CA8: variants seen among roughly 807,000 people sequenced by gnomAD.
CA8 encodes the protein carbonic anhydrase-related protein.
In CA8, 22 loss-of-function variants were observed where a neutral mutation model predicts 41.4. The observed-to-expected ratio is 0.53, with a 90% CI of 0.38 to 0.76. CA8 has a LOEUF of 0.76. Among genes scored for constraint, CA8 ranks in the 30% least tolerant of loss-of-function variants. CA8 has a pLI of 0.00. For synonymous variants in CA8, 121 were observed against 130.6 expected, an observed-to-expected ratio of 0.93 and a Z score of 0.50; for missense variants, 270 against 352.8, an observed-to-expected ratio of 0.77 and a Z score of 1.88.
intron 3 of CA8, among the ~76,000 whole-genome samples, chr8:60,233,779 A>T (rs957053829): frequency 6.6e-6 from 1 of 152,190 alleles, no homozygotes; most frequent in Non-Finnish European, 1.5e-5. Flanking sequence ...TACTTCTCAC[A>T]GCAATATTTT....
chr8:60,224,339 G>A (rs527764814), intron 6 of CA8, among the ~76,000 whole-genome samples, 198 bp downstream of exon 6: 1 of 152,340 alleles, frequency 6.6e-6, no homozygotes, highest in African/African-American at 2.4e-5. Context: ...AATGGAACTA[G>A]TGGCAAAGTG....
At position 60,272,970 on chromosome 8, in the gene CA8, C is replaced by T. The variant is rs185216504; in HGVS notation, c.292+6719G>A. Among the ~76,000 whole-genome samples the T allele has an allele frequency of 6.7e-4, 102 of 152,326 alleles. 1 individual carries two copies. The highest frequency in any genetic ancestry group is 3.2e-3 in the Admixed American group (49 of 15,298). ...TCTGCAGCTTGCCAGTTCCTGCAGT[C>T]CCCACCAGCCCCTACTGTCTTGTCT... On this transcript the variant is annotated intron_variant, in intron 2 of 8. Coordinates refer to ENST00000317995, the MANE Select transcript of CA8 (RefSeq NM_004056.6).
intron 8 of CA8, among the ~76,000 whole-genome samples, chr8:60,191,762 G>A (rs1338891475): frequency 1.3e-5 from 2 of 152,056 alleles, no homozygotes; most frequent in South Asian, 2.1e-4. Context: ...TAAATATTAA[G>A]CTACCATGGC....
intron 3 of CA8, among the ~76,000 whole-genome samples, chr8:60,251,961 T>C (rs985465932): frequency 6.6e-6 from 1 of 152,198 alleles, no homozygotes; most frequent in Non-Finnish European, 1.5e-5. Context: ...TATGTAGTGC[T>C]TACACAATAC....
At chr8:60,206,552 C>T (rs538753765) in intron 8 of CA8, among the ~76,000 whole-genome samples, 7 of 152,238 alleles carry the variant, frequency 4.6e-5, no homozygotes, top group South Asian at 2.1e-4. Flanking sequence ...CATAAATTCA[C>T]GCTTTGCAAC....
At chr8:60,219,939 A>AAAAAAAAAAAAC (rs1807181805) in intron 7 of CA8, among the ~76,000 whole-genome samples, 2 of 129,842 alleles carry the variant, frequency 1.5e-5, no homozygotes, top group Non-Finnish European at 3.5e-5. Flanking sequence ...TAAAAAAAAA[A>AAAAAAAAAAAAC]AAAAAAAAAA....
intron 3 of CA8, chr8:60,232,670 T>C (rs1807696388): frequency 2.3e-6 from 1 of 434,802 alleles, no homozygotes; most frequent in Non-Finnish European, 4.3e-6. Flanking sequence ...TTCAGTTATC[T>C]TTCCTTGGAT....
intron 6 of CA8, 98 bp downstream of exon 6, chr8:60,224,439 T>G (rs1319873543): frequency 1.3e-6 from 1 of 773,528 alleles, no homozygotes; most frequent in East Asian, 2.5e-5. Flanking sequence ...CAAATAAGTT[T>G]TATTAATTAA....
chr8:60,278,369 G>C (rs79710097), intron 2 of CA8, among the ~76,000 whole-genome samples: 2,957 of 152,244 alleles, frequency 0.019, 84 homozygotes, highest in African/African-American at 0.066. Flanking sequence ...AACCAATATT[G>C]ATCATGGCAC....
At chr8:60,192,746 A>G (rs577127887) in intron 8 of CA8, among the ~76,000 whole-genome samples, 4 of 152,280 alleles carry the variant, frequency 2.6e-5, no homozygotes, top group Non-Finnish European at 5.9e-5. Context: ...AATGTTTGTT[A>G]TGAAACTATC....
At chr8:60,209,363 A>C (rs932150990) in intron 7 of CA8, among the ~76,000 whole-genome samples, 1 of 152,144 alleles carries the variant, frequency 6.6e-6, no homozygotes, top group Admixed American at 6.5e-5. Flanking sequence ...GCACACCTGT[A>C]ATCCCAGCTA....
intron 3 of CA8, among the ~76,000 whole-genome samples, chr8:60,233,261 A>G (rs756874327): frequency 6.6e-6 from 1 of 152,216 alleles, no homozygotes; most frequent in Non-Finnish European, 1.5e-5. Flanking sequence ...AATTAGTTCT[A>G]ACACCAAAAG....
At position 60,208,668 on chromosome 8, in the gene CA8, C is replaced by A. The variant is rs939164436; in HGVS notation, c.*35+82G>T. On this transcript the variant is annotated intron_variant, in intron 8 of 8. Coordinates refer to ENST00000317995, the MANE Select transcript of CA8 (RefSeq NM_004056.6). Reference sequence around the variant, plus strand: ...TACATACGCTTTTATTACTAAATTACCAGGATCACAATAAGTGTACCTTTG... The same window carrying A: ...TACATACGCTTTTATTACTAAATTAACAGGATCACAATAAGTGTACCTTTG... The A allele has an allele frequency of 2.5e-6, 3 of 1,199,686 alleles. No individual in the cohort carries two copies. The African/African-American group carries it at 4.5e-5, about 18-fold the overall frequency. 74.3% of individuals were successfully genotyped at this position (1,199,686 alleles called of 1,614,324 possible).
chr8:60,190,251 G>C (rs1472702033), intron 8 of CA8, among the ~76,000 whole-genome samples: 1 of 151,112 alleles, frequency 6.6e-6, no homozygotes, highest in Non-Finnish European at 1.5e-5. Context: ...AATAATGCTT[G>C]AACTATTTTA....
chr8:60,221,451 C>T (rs1418166325), intron 7 of CA8, among the ~76,000 whole-genome samples: 1 of 152,124 alleles, frequency 6.6e-6, no homozygotes, highest in African/African-American at 2.4e-5. Context: ...TTTAGTGGTA[C>T]TAAGAAACAA....
At chr8:60,216,124 G>C (rs1317262518) in intron 7 of CA8, among the ~76,000 whole-genome samples, 1 of 152,002 alleles carries the variant, frequency 6.6e-6, no homozygotes, top group African/African-American at 2.4e-5. Flanking sequence ...CTCAATTCTT[G>C]AGGCTTCTCA....
rs1379413158 is a variant in CA8 at position 60,185,865 on chromosome 8, G to A, written c.*4156C>T. ...TTGAATCCATTCCAAAAAAAAAAGG[G>A]CACTGGTAAATGTAATTATGTAATT... On this transcript the variant is annotated 3_prime_UTR_variant, in exon 9 of 9. Transcript: ENST00000317995. 6.6e-6 allele frequency among the ~76,000 whole-genome samples: 1 copy of A among 151,814 alleles called. No individual in the cohort carries two copies. Among genetic ancestry groups the A allele is most frequent in the African/African-American group, 2.4e-5 (1 of 41,314 alleles).
intron 8 of CA8, among the ~76,000 whole-genome samples, chr8:60,192,302 A>G (rs1267718187): frequency 6.6e-6 from 1 of 152,192 alleles, no homozygotes; most frequent in Admixed American, 6.6e-5. Context: ...GTAAGATTTT[A>G]GGCAATTTAC....
At chr8:60,211,726 GC>G (rs776379515) in intron 7 of CA8, among the ~76,000 whole-genome samples, 1 of 152,150 alleles carries the variant, frequency 6.6e-6, no homozygotes, top group African/African-American at 2.4e-5. Flanking sequence ...TCTGATCACA[GC>G]AACACTTTGA....
Sources: allele counts gnomAD v4.1 joint callset (sites outside exome capture counted in the v4.1 genomes callset), GRCh38; gene constraint gnomAD v4.1.1; transcripts MANE v1.5; gene names NCBI Gene and HGNC (gene_info 2026-07-23, HGNC 2026-07-21).